The following RAI14 variants were observed in gnomAD, a reference collection of about 807,000 sequenced individuals.
RAI14 encodes retinoic acid induced 14, also known as ankycorbin.
In RAI14, 45 loss-of-function variants were observed where a neutral mutation model predicts 115.4. The ratio of observed to expected loss-of-function variants is 0.39; its 90% CI spans 0.31 to 0.50. The LOEUF (loss-of-function observed/expected upper bound fraction) is 0.50. RAI14 is among the 20% of genes least tolerant of loss of function. The pLI, the probability that RAI14 is intolerant of heterozygous loss-of-function variation, is 0.85. For missense variants in RAI14, 939 were observed against 1,131.2 expected, an observed-to-expected ratio of 0.83 and a Z score of 2.44; for synonymous variants, 371 against 415.4, an observed-to-expected ratio of 0.89 and a Z score of 1.30.
chr5:34,799,956 G>T (rs2150223055), intron 4 of RAI14, among the ~76,000 whole-genome samples: 1 of 152,240 alleles, frequency 6.6e-6, no homozygotes, highest in Non-Finnish European at 1.5e-5. Context: ...CAAAGAGCTG[G>T]GATTACAGGC....
At chr5:34,668,067 C>T (rs1477235430) in intron 1 of RAI14, among the ~76,000 whole-genome samples, 1 of 152,152 alleles carries the variant, frequency 6.6e-6, no homozygotes, top group Admixed American at 6.6e-5. Flanking sequence ...ACAGGAGGCT[C>T]ATGGACAACC....
intron 1 of RAI14, among the ~76,000 whole-genome samples, chr5:34,672,506 GGT>G (rs1743690516): frequency 6.6e-6 from 1 of 152,030 alleles, no homozygotes; most frequent in Admixed American, 6.5e-5. Flanking sequence ...GAAAGTCTAG[GGT>G]TTCAAATTTA....
At chr5:34,745,315 C>G (rs1746019409) in intron 2 of RAI14, among the ~76,000 whole-genome samples, 2 of 152,190 alleles carry the variant, frequency 1.3e-5, no homozygotes, top group South Asian at 4.1e-4. Flanking sequence ...CTCATTGCTC[C>G]TTTTTCATTT....
intron 2 of RAI14, among the ~76,000 whole-genome samples, chr5:34,730,977 T>A (rs1580060921): frequency 6.6e-6 from 1 of 152,060 alleles, no homozygotes; most frequent in Middle Eastern, 3.4e-3. Context: ...AGAGTGAAAC[T>A]CCATTTCAAA....
At chr5:34,719,038 A>G (rs1245326662) in intron 2 of RAI14, among the ~76,000 whole-genome samples, 1 of 152,230 alleles carries the variant, frequency 6.6e-6, no homozygotes, top group Non-Finnish European at 1.5e-5. Context: ...TACTACTTTT[A>G]GTGGCGTAAA....
chr5:34,776,075 G>GT (rs1263419660), intron 3 of RAI14, among the ~76,000 whole-genome samples: 2 of 152,182 alleles, frequency 1.3e-5, no homozygotes, highest in African/African-American at 4.8e-5. Context: ...ACACAATGGA[G>GT]TACTGTTCAG....
intron 7 of RAI14, 69 bp downstream of exon 7, chr5:34,808,723 G>A: frequency 7.1e-7 from 1 of 1,401,034 alleles, no homozygotes; most frequent in Non-Finnish European, 1.0e-6. Context: ...GATACCTCTA[G>A]AGTCACTGAG....
chr5:34,711,503 G>C (rs924658175), intron 2 of RAI14, among the ~76,000 whole-genome samples: 3 of 152,180 alleles, frequency 2.0e-5, no homozygotes, highest in Non-Finnish European at 2.9e-5. Flanking sequence ...TTCTTTTGTG[G>C]ATCTTCAGTT....
At chr5:34,682,374 C>T (rs1459629630) in intron 1 of RAI14, among the ~76,000 whole-genome samples, 1 of 151,180 alleles carries the variant, frequency 6.6e-6, no homozygotes, top group Non-Finnish European at 1.5e-5. Flanking sequence ...ACCCCATATC[C>T]ATTGTAAGGG....
intron 2 of RAI14, among the ~76,000 whole-genome samples, chr5:34,723,614 A>G (rs1302218310): frequency 6.6e-6 from 1 of 152,208 alleles, no homozygotes; most frequent in East Asian, 1.9e-4. Context: ...CATAACATTA[A>G]CCGTCGCATA....
chr5:34,830,317 T>C (rs1757907847), intron 17 of RAI14, among the ~76,000 whole-genome samples: 1 of 152,198 alleles, frequency 6.6e-6, no homozygotes, highest in Non-Finnish European at 1.5e-5. Context: ...AGGGATGATG[T>C]GGTCCTCCAC....
chr5:34,674,951 C>T (rs190422274), intron 1 of RAI14, among the ~76,000 whole-genome samples: 9 of 150,912 alleles, frequency 6.0e-5, no homozygotes, highest in Non-Finnish European at 1.2e-4. Context: ...GGCCTGAGTC[C>T]AGTGGTGTGA....
At chr5:34,728,492 T>C (rs1435367003) in intron 2 of RAI14, 2 of 152,164 alleles carry the variant, frequency 1.3e-5, no homozygotes, top group East Asian at 3.9e-4. Flanking sequence ...GGGGCGGTTT[T>C]TCCTGTGCTG....
At chr5:34,810,982 GT>G in intron 7 of RAI14, 29 bp from the exon 8 acceptor site, 4 of 1,609,824 alleles carry the variant, frequency 2.5e-6, no homozygotes, top group Non-Finnish European at 3.4e-6. Context: ...TGTGCCTGAG[GT>G]AAAATCTAAA....
rs946210764 is a variant in RAI14, at chr5:34,808,488, G to A, written c.380-96G>A. ...AACTAGAGTGAATATATGTAGAGTG[G>A]GTAGAACATGAACATTTCCTTCCTG... is the stretch of plus-strand genomic sequence containing the variant. On this transcript the variant is annotated intron_variant, in intron 6 of 17. Transcript: ENST00000265109. 4 of 1,087,976 alleles carry A rather than the reference G, an allele frequency of 3.7e-6. No individual in the cohort carries two copies. In the African/African-American group the frequency reaches 4.7e-5, roughly 13 times the overall value. 67.4% of individuals were successfully genotyped at this position (1,087,976 alleles called of 1,614,324 possible). A position where few individuals can be genotyped will look rare whatever the true frequency, so the allele number is the denominator to read the frequency against.
At chr5:34,768,410 A>G (rs1749704071) in intron 3 of RAI14, among the ~76,000 whole-genome samples, 1 of 152,198 alleles carries the variant, frequency 6.6e-6, no homozygotes, top group Non-Finnish European at 1.5e-5. Flanking sequence ...TTCAGCCAAC[A>G]GTTTATTCAT....
intron 3 of RAI14, among the ~76,000 whole-genome samples, chr5:34,785,082 T>C (rs1427736168): frequency 6.6e-6 from 1 of 152,172 alleles, no homozygotes; most frequent in East Asian, 1.9e-4. Flanking sequence ...ACTGGAGAAT[T>C]TCAGGGGGAA....
chr5:34,753,012 G>A (rs1747330335), intron 2 of RAI14, among the ~76,000 whole-genome samples: 1 of 151,908 alleles, frequency 6.6e-6, no homozygotes, highest in African/African-American at 2.4e-5. Context: ...CTTTATTAAA[G>A]GTGGTACATC....
In RAI14 at chr5:34,686,854, C is replaced by T; in HGVS notation, c.-48-18C>T. ...CCTTATTTGGAAACCTACATATGTC[C>T]TTTTTTTCTCTGCTTAGGTGTTGAA... On this transcript the variant is annotated intron_variant, in intron 1 of 17. Transcript: ENST00000265109. 1 of 1,522,314 alleles carries T rather than the reference C, an allele frequency of 6.6e-7. No homozygotes were observed. The highest frequency in any genetic ancestry group is 9.1e-7 in the Non-Finnish European group (1 of 1,100,144). The allele number at this position is 1,522,314 out of a possible 1,614,324, so 94.3% of individuals were successfully genotyped here.
Sources: allele counts gnomAD v4.1 joint callset (sites outside exome capture counted in the v4.1 genomes callset), GRCh38; gene constraint gnomAD v4.1.1; transcripts MANE v1.5; gene names NCBI Gene and HGNC (gene_info 2026-07-23, HGNC 2026-07-21).